Variants in FRK observed in about 807,000 individuals in gnomAD.
The protein encoded by FRK is tyrosine-protein kinase FRK.
Under a neutral mutation model 56.4 loss-of-function variants are expected in FRK, and 51 were observed. That is an observed-to-expected ratio of 0.90 (90% CI 0.72 to 1.14). The LOEUF (loss-of-function observed/expected upper bound fraction) is 1.14, where lower values mean the gene tolerates loss of function less well. FRK is among the 50% of genes most tolerant of loss of function. The probability of loss-of-function intolerance (pLI) is 0.00; values close to 1 mark genes in which losing one functional copy is unlikely to be tolerated. For missense variants in FRK, 570 were observed against 601.4 expected, an observed-to-expected ratio of 0.95 and a Z score of 0.55; for synonymous variants, 245 against 217.9, an observed-to-expected ratio of 1.12 and a Z score of -1.10.
intron 4 of FRK, 60 bp downstream of exon 4, chr6:115,967,491 A>C: frequency 1.0e-5 from 15 of 1,495,594 alleles, no homozygotes; most frequent in Non-Finnish European, 1.3e-5. Context: ...AGATATTTAC[A>C]GTGTTAAATT....
intron 2 of FRK, among the ~76,000 whole-genome samples, chr6:115,985,440 G>T (rs956520622): frequency 2.6e-5 from 4 of 152,226 alleles, no homozygotes; most frequent in African/African-American, 4.8e-5. Context: ...AAGGAATGAT[G>T]AATGAGATCT....
Position 115,936,621 on chromosome 6 carries a change from G to A in FRK, c.*5793C>T, listed in dbSNP as rs1217723688. 6.6e-6 allele frequency: 1 copy of A among 152,176 alleles called. No individual in the cohort carries two copies. The highest frequency in any genetic ancestry group is 2.4e-5 in the African/African-American group (1 of 41,444). 9.4% of individuals were successfully genotyped at this position (152,176 alleles called of 1,614,324 possible). A position where few individuals can be genotyped will look rare whatever the true frequency, so the allele number is the denominator to read the frequency against. On this transcript the variant is annotated 3_prime_UTR_variant, in exon 8 of 8. Coordinates refer to ENST00000606080, the MANE Select transcript of FRK (RefSeq NM_002031.3). ...TGCTAACTAGAATAACAAGTATAGAGAAGCACATAAATGACCTGATGGAGC... is the reference window on the plus strand; with the variant it reads ...TGCTAACTAGAATAACAAGTATAGAAAAGCACATAAATGACCTGATGGAGC...
the FRK span, among the ~76,000 whole-genome samples, chr6:116,097,362 G>T: frequency 2.0e-5 from 3 of 152,024 alleles, no homozygotes; most frequent in African/African-American, 7.2e-5. Context: ...TATGTAGATT[G>T]GCTTAGGTTA....
At chr6:115,947,690 A>T (rs1582632984) in intron 5 of FRK, among the ~76,000 whole-genome samples, 1 of 151,452 alleles carries the variant, frequency 6.6e-6, no homozygotes, top group Non-Finnish European at 1.5e-5. Context: ...GCCCATATCA[A>T]AAAAAAAGTC....
the FRK span, among the ~76,000 whole-genome samples, chr6:116,093,841 C>T: frequency 6.6e-6 from 1 of 152,116 alleles, no homozygotes; most frequent in Non-Finnish European, 1.5e-5. Context: ...TCAATTGATC[C>T]TAAAAAATAA....
At chr6:115,958,660 GAAA>G (rs1773129703) in intron 4 of FRK, among the ~76,000 whole-genome samples, 2 of 2,408 alleles carry the variant, frequency 8.3e-4, no homozygotes, top group African/African-American at 3.4e-3. Context: ...AAGAAAGAAA[GAAA>G]GAAAGAAAGA....
intron 1 of FRK, among the ~76,000 whole-genome samples, chr6:116,046,405 G>A (rs1212131167): frequency 6.6e-6 from 1 of 152,178 alleles, no homozygotes; most frequent in African/African-American, 2.4e-5. Context: ...TGATAGACTG[G>A]ATAAAGAAAA....
At chr6:115,994,445 T>C (rs904988149) in intron 2 of FRK, among the ~76,000 whole-genome samples, 24 of 151,900 alleles carry the variant, frequency 1.6e-4, no homozygotes, top group Non-Finnish European at 2.8e-4. Flanking sequence ...CACTTTCTTC[T>C]GTTAACTCAC....
intron 1 of FRK, among the ~76,000 whole-genome samples, chr6:116,024,985 G>A (rs1352840837): frequency 1.3e-5 from 2 of 152,086 alleles, no homozygotes; most frequent in Non-Finnish European, 2.9e-5. Context: ...ATATCTCATT[G>A]TGGTTTTGAT....
chr6:115,981,705 G>A (rs189987048), intron 2 of FRK, among the ~76,000 whole-genome samples: 2 of 151,956 alleles, frequency 1.3e-5, no homozygotes, highest in East Asian at 3.9e-4. Context: ...GGTAACAAAC[G>A]GTAATTAAAA....
chr6:116,085,495 G>T, the FRK span, among the ~76,000 whole-genome samples: 1 of 152,168 alleles, frequency 6.6e-6, no homozygotes, highest in Admixed American at 6.5e-5. Flanking sequence ...CAAAAGTGTT[G>T]AACTTCTTGT....
At position 115,932,910 on chromosome 6, in the gene FRK, CTGA is replaced by C. The variant is rs1355369611; in HGVS notation, c.*9501_*9503del. 6.6e-6 allele frequency: 1 copy of C among 152,166 alleles called. No homozygotes were observed. Among genetic ancestry groups the C allele is most frequent in the East Asian group, 1.9e-4 (1 of 5,188 alleles). The allele number at this position is 152,166 out of a possible 1,614,324, so 9.4% of individuals were successfully genotyped here. A position where few individuals can be genotyped will look rare whatever the true frequency, so the allele number is the denominator to read the frequency against. On this transcript the variant is annotated 3_prime_UTR_variant, in exon 8 of 8. Coordinates refer to ENST00000606080, the MANE Select transcript of FRK (RefSeq NM_002031.3). The stretch of plus-strand genomic sequence containing the variant: ...GGTAGAAGCTGAGGGTGAGCCTAGC[CTGA>C]TGTTACCCCACAGGCTAGTTCTTTG...
chr6:116,091,231 G>A, the FRK span, among the ~76,000 whole-genome samples: 1 of 152,086 alleles, frequency 6.6e-6, no homozygotes, highest in Non-Finnish European at 1.5e-5. Flanking sequence ...TCAGCACTCT[G>A]TAAAAACACA....
In FRK at chr6:116,017,306, T is replaced by C. The variant is rs186148927; in HGVS notation, c.345-13308A>G. Among the ~76,000 whole-genome samples, 41 of 152,330 alleles carry C rather than the reference T, an allele frequency of 2.7e-4. 1 individual carries two copies. Among genetic ancestry groups the C allele is most frequent in the Admixed American group, 2.5e-3 (39 of 15,298 alleles). ...ATGGATGTGCAAACAGACTGTAACC[T>C]ACTCTTGTGCCAATCACCAAGTTTT... On this transcript the variant is annotated intron_variant, in intron 1 of 7. Coordinates refer to ENST00000606080, the MANE Select transcript of FRK (RefSeq NM_002031.3).
At position 116,028,476 on chromosome 6, in the gene FRK, C is replaced by T. The variant is rs553346202; in HGVS notation, c.345-24478G>A. Among the ~76,000 whole-genome samples, 137 of 152,268 alleles carry T rather than the reference C, an allele frequency of 9.0e-4. 1 individual carries two copies. The highest frequency in any genetic ancestry group is 6.8e-3 in the Middle Eastern group (2 of 294). On this transcript the variant is annotated intron_variant, in intron 1 of 7. Coordinates refer to ENST00000606080, the MANE Select transcript of FRK (RefSeq NM_002031.3). ...TTAGCAGGAATGTATCTTCTTCCTACAGCTCTCAAGGTTACAAGTCTGAGG... is the reference window on the plus strand; with the variant it reads ...TTAGCAGGAATGTATCTTCTTCCTATAGCTCTCAAGGTTACAAGTCTGAGG...
intron 1 of FRK, chr6:116,038,780 G>C: frequency 4.0e-6 from 2 of 495,324 alleles, no homozygotes; most frequent in Non-Finnish European, 4.1e-6. Flanking sequence ...GAAGTTCGTT[G>C]GGGGGAACTG....
chr6:116,074,699 T>C, the FRK span, among the ~76,000 whole-genome samples: 1 of 151,338 alleles, frequency 6.6e-6, no homozygotes, highest in Non-Finnish European at 1.5e-5. Flanking sequence ...ACGGGAGGAG[T>C]CTAATTCCCT....
intron 2 of FRK, among the ~76,000 whole-genome samples, chr6:116,000,538 C>T (rs1775025692): frequency 6.6e-6 from 1 of 152,098 alleles, no homozygotes; most frequent in Admixed American, 6.5e-5. Context: ...TGAGCCACCA[C>T]ACCCTGCCTC....
chr6:116,098,121 TTTTTTTA>T, the FRK span, among the ~76,000 whole-genome samples: 13 of 130,676 alleles, frequency 9.9e-5, no homozygotes, highest in Non-Finnish European at 1.4e-4. Context: ...TTTTTTTTTT[TTTTTTTA>T]AAAGACAGGG....
Sources: gnomAD v4.1 joint callset for allele counts (sites outside exome capture counted in the v4.1 genomes callset) on GRCh38, gnomAD v4.1.1 for gene constraint, MANE v1.5 for transcripts, NCBI Gene and HGNC (gene_info 2026-07-23, HGNC 2026-07-21) for gene names.